CNTN5: variants seen among roughly 807,000 people sequenced by gnomAD.
The protein encoded by CNTN5 is contactin-5.
CNTN5 carries 77 observed loss-of-function variants against 129.1 expected under a neutral mutation model. That is an observed-to-expected ratio of 0.60 (90% CI 0.50 to 0.72). CNTN5 has a LOEUF of 0.72. Ranked by LOEUF, CNTN5 falls within the 30% of genes least tolerant of loss-of-function variation. The probability of loss-of-function intolerance (pLI) is 0.00; values close to 1 mark genes in which losing one functional copy is unlikely to be tolerated. For synonymous variants in CNTN5, 509 were observed against 465.6 expected (o/e 1.09, Z -1.20); for missense variants, 1,478 against 1,328.8 (o/e 1.11, Z -1.75).
chr11:99,250,626 G>C (rs1354934470), intron 1 of CNTN5, among the ~76,000 whole-genome samples: 3 of 151,642 alleles, frequency 2.0e-5, no homozygotes, highest in African/African-American at 7.3e-5. Context: ...GATAGATTTT[G>C]TTCCACAGGG....
At chr11:99,350,091 G>A (rs1938184520) in intron 2 of CNTN5, among the ~76,000 whole-genome samples, 1 of 152,020 alleles carries the variant, frequency 6.6e-6, no homozygotes, top group Non-Finnish European at 1.5e-5. Flanking sequence ...TTTTGATGGT[G>A]AGCTGTCTCC....
At chr11:100,089,742 G>C (rs1156862292) in intron 13 of CNTN5, among the ~76,000 whole-genome samples, 1 of 152,140 alleles carries the variant, frequency 6.6e-6, no homozygotes, top group Non-Finnish European at 1.5e-5. Context: ...CATGTCCTTT[G>C]CAGGGACGTT....
chr11:99,375,791 TTCTTGAGGTCTCAATCC>T (rs1940144492), intron 2 of CNTN5, among the ~76,000 whole-genome samples: 1 of 152,200 alleles, frequency 6.6e-6, no homozygotes. Flanking sequence ...GCTGCAAGAC[TTCTTGAGGTCTCAATCC>T]TAGAAAGCAC....
intron 9 of CNTN5, among the ~76,000 whole-genome samples, chr11:100,047,853 C>T (rs1229479251): frequency 6.6e-6 from 1 of 151,942 alleles, no homozygotes; most frequent in Non-Finnish European, 1.5e-5. Flanking sequence ...AAAAAAGAGG[C>T]CTGAGGCGGT....
intron 1 of CNTN5, among the ~76,000 whole-genome samples, chr11:99,027,015 C>A (rs971583168): frequency 6.6e-6 from 1 of 151,548 alleles, no homozygotes; most frequent in African/African-American, 2.4e-5. Context: ...TCTTAACCAA[C>A]AACTACAGAA....
chr11:99,629,969 A>C (rs1275858825), intron 3 of CNTN5, among the ~76,000 whole-genome samples: 1 of 152,002 alleles, frequency 6.6e-6, no homozygotes, highest in East Asian at 1.9e-4. Flanking sequence ...AGATATATCC[A>C]AATTAGTTTT....
chr11:99,490,467 T>C (rs1310001133), intron 2 of CNTN5, among the ~76,000 whole-genome samples: 2 of 152,240 alleles, frequency 1.3e-5, no homozygotes, highest in African/African-American at 4.8e-5. Context: ...TCACTTTTAG[T>C]GTACTCTTCT....
intron 9 of CNTN5, among the ~76,000 whole-genome samples, chr11:100,051,730 AATTTAACCAATATCAATC>A (rs1942963880): frequency 6.6e-6 from 1 of 151,876 alleles, no homozygotes; most frequent in African/African-American, 2.4e-5. Flanking sequence ...CAAGAGATAA[AATTTAACCAATATCAATC>A]ATGAAAGAGG....
At chr11:99,152,960 A>T (rs7937868) in intron 1 of CNTN5, among the ~76,000 whole-genome samples, 3 of 152,134 alleles carry the variant, frequency 2.0e-5, no homozygotes, top group Admixed American at 6.5e-5. Flanking sequence ...ATAAATGCTG[A>T]ATCTAGGCCT....
chr11:99,914,669 G>GT (rs1949743075), intron 6 of CNTN5, among the ~76,000 whole-genome samples: 1 of 151,960 alleles, frequency 6.6e-6, no homozygotes, highest in Admixed American at 6.6e-5. Context: ...TTTATGAAAA[G>GT]CTTAACTGTT....
intron 15 of CNTN5, among the ~76,000 whole-genome samples, chr11:100,202,338 T>A (rs56932786): frequency 0.022 from 3,304 of 151,942 alleles, 115 homozygotes; most frequent in African/African-American, 0.075. Flanking sequence ...CATTTTAGAA[T>A]TTGTGAGTCA....
chr11:99,088,231 C>T (rs528178004), intron 1 of CNTN5, among the ~76,000 whole-genome samples: 22 of 152,274 alleles, frequency 1.4e-4, no homozygotes, highest in African/African-American at 5.3e-4. Flanking sequence ...ACTTTGCATG[C>T]ACCAAAGGTT....
chr11:100,312,518 A>C (rs1385557967), intron 21 of CNTN5, among the ~76,000 whole-genome samples: 1 of 152,052 alleles, frequency 6.6e-6, no homozygotes, highest in Non-Finnish European at 1.5e-5. Context: ...TAATGAACCC[A>C]TAAAGCTTAA....
At chr11:99,393,583 T>A (rs778813210) in intron 2 of CNTN5, among the ~76,000 whole-genome samples, 3 of 151,766 alleles carry the variant, frequency 2.0e-5, no homozygotes, top group Non-Finnish European at 4.4e-5. Flanking sequence ...TCTAAGACTT[T>A]AGGCTTTTTA....
At chr11:99,531,239 A>C (rs535882248) in intron 2 of CNTN5, among the ~76,000 whole-genome samples, 1 of 152,188 alleles carries the variant, frequency 6.6e-6, no homozygotes, top group African/African-American at 2.4e-5. Context: ...GACTGGCAGC[A>C]TTTGCCCCTG....
chr11:100,041,557 C>G (rs983072384), intron 9 of CNTN5, among the ~76,000 whole-genome samples: 4 of 152,120 alleles, frequency 2.6e-5, no homozygotes, highest in African/African-American at 9.7e-5. Flanking sequence ...TCTCCTGGGT[C>G]CTCCCCATTT....
At chr11:99,864,787 A>G (rs1948310425) in intron 6 of CNTN5, among the ~76,000 whole-genome samples, 1 of 152,192 alleles carries the variant, frequency 6.6e-6, no homozygotes, top group Non-Finnish European at 1.5e-5. Flanking sequence ...AAAAAGCAAT[A>G]AAATATTTTC....
intron 4 of CNTN5, among the ~76,000 whole-genome samples, chr11:99,834,926 C>T (rs1393184999): frequency 6.6e-6 from 1 of 152,204 alleles, no homozygotes; most frequent in Non-Finnish European, 1.5e-5. Context: ...TTATTTGATA[C>T]CTTGTTTTCC....
At chr11:99,261,589 A>G (rs938499872) in intron 1 of CNTN5, among the ~76,000 whole-genome samples, 1 of 152,070 alleles carries the variant, frequency 6.6e-6, no homozygotes, top group African/African-American at 2.4e-5. Flanking sequence ...AATCCATTTC[A>G]TGTAAACAGG....
Sources: allele counts gnomAD v4.1 joint callset (sites outside exome capture counted in the v4.1 genomes callset), GRCh38; gene constraint gnomAD v4.1.1; transcripts MANE v1.5; gene names NCBI Gene and HGNC (gene_info 2026-07-23, HGNC 2026-07-21).